PLA2G12A: variants seen among roughly 807,000 people sequenced by gnomAD.
PLA2G12A encodes the protein phospholipase A2 group XIIA.
A neutral mutation model predicts 16.0 loss-of-function variants in PLA2G12A; 11 were observed. The ratio of observed to expected loss-of-function variants is 0.69; its 90% confidence interval spans 0.43 to 1.13. The LOEUF (loss-of-function observed/expected upper bound fraction) is 1.13, where lower values mean the gene tolerates loss of function less well. Among genes scored for constraint, PLA2G12A ranks in the 50% most tolerant of loss-of-function variants. The pLI is 0.00. For synonymous variants in PLA2G12A, 77 were observed against 93.8 expected (o/e 0.82, Z 1.03); for missense variants, 214 against 237.3 (o/e 0.90, Z 0.65).
chr4:109,722,414 A>G (rs1375555621), intron 1 of PLA2G12A, among the ~76,000 whole-genome samples: 1 of 152,250 alleles, frequency 6.6e-6, no homozygotes, highest in Non-Finnish European at 1.5e-5. Flanking sequence ...TGGTATTAGA[A>G]GGTGGGACTA....
chr4:109,720,080 A>G (rs1318347915), intron 1 of PLA2G12A, among the ~76,000 whole-genome samples: 1 of 152,194 alleles, frequency 6.6e-6, no homozygotes, highest in Admixed American at 6.5e-5. Context: ...AATGACATCA[A>G]TTGTTAAGAC....
chr4:109,726,701 G>C (rs1302435377), intron 1 of PLA2G12A, among the ~76,000 whole-genome samples: 1 of 152,098 alleles, frequency 6.6e-6, no homozygotes, highest in Non-Finnish European at 1.5e-5. Context: ...AAAGGAAATC[G>C]AAAAGTTTTC....
chr4:109,712,750 C>A lies in PLA2G12A; in HGVS notation c.*1627G>T, dbSNP rs1260100406. The stretch of plus-strand genomic sequence containing the variant: ...ACCTCAAGTGATCCAACCGCCTCAG[C>A]CTCCCAAAGTGCTGGGATTATAGGT... On this transcript the variant is annotated 3_prime_UTR_variant, in exon 4 of 4. Transcript: ENST00000243501. 1 of 152,200 alleles carries A rather than the reference C, an allele frequency of 6.6e-6. No individual in the cohort carries two copies. The highest frequency in any genetic ancestry group is 1.5e-5 in the Non-Finnish European group (1 of 68,060). The allele number at this position is 152,200 out of a possible 1,614,324, so 9.4% of individuals were successfully genotyped here. A position where few individuals can be genotyped will look rare whatever the true frequency, so the allele number is the denominator to read the frequency against.
chr4:109,722,583 G>C (rs1561272789), intron 1 of PLA2G12A, among the ~76,000 whole-genome samples: 1 of 152,162 alleles, frequency 6.6e-6, no homozygotes, highest in African/African-American at 2.4e-5. Flanking sequence ...ACCAGACATT[G>C]AATCTGCCAA....
At position 109,714,451 on chromosome 4, in the gene PLA2G12A, A is replaced by C. The variant is rs1161833217; in HGVS notation, c.496T>G (p.Leu166Val). 1.9e-6 allele frequency: 3 copies of C among 1,614,104 alleles called. No homozygotes were observed. In the Admixed American group the frequency reaches 5.0e-5, roughly 27 times the overall value. Residue 166 changes from leucine (L) to valine (V), a missense_variant, in exon 4 of 4, where the codon TTA (leucine) becomes GTA (valine). Physicochemically the swap from Leu to Val is conservative, Grantham distance 32. Transcript: ENST00000243501. ...VELLFDSVIH[L>V]GCKPYLDSQR... Reference sequence around the variant, plus strand: ...CTGTCCAGATATGGTTTACAACCTAAATGTATAACACTGTCAAACAAGAGC... The same window carrying C: ...CTGTCCAGATATGGTTTACAACCTACATGTATAACACTGTCAAACAAGAGC...
chr4:109,729,553 CCA>C, intron 1 of PLA2G12A, 47 bp downstream of exon 1: 4 of 1,573,116 alleles, frequency 2.5e-6, no homozygotes, highest in Non-Finnish European at 3.5e-6. Flanking sequence ...CTCCGTCACC[CCA>C]ATCCCCCGAA....
intron 1 of PLA2G12A, among the ~76,000 whole-genome samples, chr4:109,719,852 T>C (rs957998676): frequency 4.6e-5 from 7 of 152,156 alleles, no homozygotes; most frequent in Non-Finnish European, 8.8e-5. Flanking sequence ...ATGGCACCGA[T>C]AGACTTGCTC....
At chr4:109,717,499 T>TA in intron 3 of PLA2G12A, 49 bp downstream of exon 3, 1 of 1,545,920 alleles carries the variant, frequency 6.5e-7, no homozygotes, top group Non-Finnish European at 8.9e-7. Flanking sequence ...GAGCATTTGA[T>TA]ACAACTTTAA....
In PLA2G12A at chr4:109,710,814, C is replaced by A. The variant is rs1253037891; in HGVS notation, c.*3563G>T. ...ATTACTGGACTAGTCTACAGGTTCA[C>A]TGAAAGAAAGGCTACCTGTGAGGAT... On this transcript the variant is annotated 3_prime_UTR_variant, in exon 4 of 4. Coordinates refer to ENST00000243501, the MANE Select transcript of PLA2G12A (RefSeq NM_030821.5). The A allele has an allele frequency of 6.6e-6, 1 of 152,162 alleles. No homozygotes were observed. Among genetic ancestry groups the A allele is most frequent in the African/African-American group, 2.4e-5 (1 of 41,430 alleles). 9.4% of individuals were successfully genotyped at this position (152,162 alleles called of 1,614,324 possible).
rs1346973442 is a variant in PLA2G12A, at chr4:109,730,036, G to A, written c.-227C>T. 1.1e-4 allele frequency: 53 copies of A among 466,094 alleles called. No homozygotes were observed. The highest frequency in any genetic ancestry group is 4.5e-5 in the Admixed American group (1 of 22,164). The allele number at this position is 466,094 out of a possible 1,614,324, so 28.9% of individuals were successfully genotyped here. The stretch of plus-strand genomic sequence containing the variant: ...CGCGCCCGCTCACCTGGACCAGCGC[G>A]CCCGCTCACCTGGGCCAGCAACCGT... On this transcript the variant is annotated 5_prime_UTR_variant, in exon 1 of 4. Transcript: ENST00000243501.
At chr4:109,720,586 AAAAAAAAAAAAAAAAAAAATATATAT>A (rs1213859028) in intron 1 of PLA2G12A, among the ~76,000 whole-genome samples, 2,901 of 56,018 alleles carry the variant, frequency 0.052, 82 homozygotes, top group Non-Finnish European at 0.069. Context: ...AAAAAAAAAA[AAAAAAAAAAAAAAAAAAAATATATAT>A]ATATATATAT....
At chr4:109,714,985 G>T (rs576200026) in intron 3 of PLA2G12A, among the ~76,000 whole-genome samples, 24 of 150,370 alleles carry the variant, frequency 1.6e-4, no homozygotes, top group Admixed American at 5.3e-4. Flanking sequence ...TTGTTTGTTT[G>T]TTTTTAGTAG....
rs1730774504 is a variant in PLA2G12A, at chr4:109,713,685, A to C, written c.*692T>G. On this transcript the variant is annotated 3_prime_UTR_variant, in exon 4 of 4. Transcript: ENST00000243501. ...TATGCTTCTGAATCGCATTCACATCACCTTCTAGGCATATTACATAACACT... is the reference window on the plus strand; with the variant it reads ...TATGCTTCTGAATCGCATTCACATCCCCTTCTAGGCATATTACATAACACT... 6.6e-6 allele frequency: 1 copy of C among 152,156 alleles called. No homozygotes were observed. Among genetic ancestry groups the C allele is most frequent in the Non-Finnish European group, 1.5e-5 (1 of 68,032 alleles). The allele number at this position is 152,156 out of a possible 1,614,324, so 9.4% of individuals were successfully genotyped here. A position where few individuals can be genotyped will look rare whatever the true frequency, so the allele number is the denominator to read the frequency against.
Position 109,718,713 on chromosome 4 carries a change from A to G in PLA2G12A, c.255T>C (p.Asn85=). 6.2e-7 allele frequency: 1 copy of G among 1,603,606 alleles called. No homozygotes were observed. The highest frequency in any genetic ancestry group is 2.2e-5 in the East Asian group (1 of 44,698). ...PRYGYKPSPP[N]GCGSPLFGVH... Reference sequence around the variant, plus strand: ...CACCAAACAGTGGAGAGCCACATCCATTCGGTGGGGAGGGTTTATAACCAT... The same window carrying G: ...CACCAAACAGTGGAGAGCCACATCCGTTCGGTGGGGAGGGTTTATAACCAT... The change falls in exon 2 of 4, where the codon AAT becomes AAC. Residue 85 remains asparagine (N), a synonymous_variant. Transcript: ENST00000243501.
chr4:109,716,548 T>C (rs1282936433), intron 3 of PLA2G12A, among the ~76,000 whole-genome samples: 1 of 152,220 alleles, frequency 6.6e-6, no homozygotes, highest in African/African-American at 2.4e-5. Context: ...AGAGAAATCT[T>C]ATAACTACCA....
intron 1 of PLA2G12A, among the ~76,000 whole-genome samples, chr4:109,727,500 A>G (rs1447524344): frequency 1.3e-5 from 2 of 152,166 alleles, no homozygotes; most frequent in Non-Finnish European, 2.9e-5. Context: ...AGTACTTACT[A>G]AGACAAAAAA....
intron 2 of PLA2G12A, 58 bp from the exon 3 acceptor site, chr4:109,717,771 C>G: frequency 6.7e-7 from 1 of 1,499,544 alleles, no homozygotes; most frequent in Non-Finnish European, 9.2e-7. Flanking sequence ...CTCTGAAGTA[C>G]TGCATTCAAA....
chr4:109,716,527 G>C (rs1187536578), intron 3 of PLA2G12A, among the ~76,000 whole-genome samples: 1 of 152,082 alleles, frequency 6.6e-6, no homozygotes, highest in Non-Finnish European at 1.5e-5. Flanking sequence ...TATGTTCTTT[G>C]GCTTGACAGT....
Position 109,712,137 on chromosome 4 carries a change from A to G in PLA2G12A, c.*2240T>C, listed in dbSNP as rs1730744560. 6.6e-6 allele frequency: 1 copy of G among 152,270 alleles called. No homozygotes were observed. Among genetic ancestry groups the G allele is most frequent in the South Asian group, 2.1e-4 (1 of 4,836 alleles). 9.4% of individuals were successfully genotyped at this position (152,270 alleles called of 1,614,324 possible). ...GAAAAATGACATTAATTAAAAAACT[A>G]GTACAATCTGAAAAATAAAGTCAAA... On this transcript the variant is annotated 3_prime_UTR_variant, in exon 4 of 4. Transcript: ENST00000243501.
Sources: gnomAD v4.1 joint callset for allele counts (sites outside exome capture counted in the v4.1 genomes callset) on GRCh38, gnomAD v4.1.1 for gene constraint, MANE v1.5 for transcripts, NCBI Gene and HGNC (gene_info 2026-07-23, HGNC 2026-07-21) for gene names.